Variants in CADPS observed in about 807,000 individuals in gnomAD.
CADPS encodes calcium-dependent secretion activator 1.
CADPS carries 57 observed loss-of-function variants against 167.3 expected under a neutral mutation model. The observed-to-expected ratio is 0.34, with a 90% CI of 0.28 to 0.42. The LOEUF is 0.42. Among genes scored for constraint, CADPS ranks in the 20% least tolerant of loss-of-function variants. CADPS has a pLI of 1.00. For synonymous variants in CADPS, 676 were observed against 635.3 expected, an observed-to-expected ratio of 1.06 and a Z score of -0.96; for missense variants, 1,414 against 1,738.1, an observed-to-expected ratio of 0.81 and a Z score of 3.32.
chr3:62,584,192 A>C (rs2084070120), intron 8 of CADPS, among the ~76,000 whole-genome samples: 1 of 151,914 alleles, frequency 6.6e-6, no homozygotes, highest in African/African-American at 2.4e-5. Flanking sequence ...TTTTTAGTAG[A>C]GATGGAGTTT....
At chr3:62,850,658 T>C (rs964531998) in intron 1 of CADPS, among the ~76,000 whole-genome samples, 3 of 151,516 alleles carry the variant, frequency 2.0e-5, no homozygotes, top group African/African-American at 7.3e-5. Context: ...ATAATTTCTG[T>C]TCTTTTACAT....
At position 62,512,750 on chromosome 3, in the gene CADPS, C is replaced by T; in HGVS notation, c.2599+1G>A. The stretch of plus-strand genomic sequence containing the variant: ...TTATAATGCATATACAATTGGTTCA[C>T]CTGCATCCTTTTGATTCTCTATTTG... On this transcript the variant is annotated splice_donor_variant, in intron 17 of 29. Coordinates refer to ENST00000383710, the MANE Select transcript of CADPS (RefSeq NM_003716.4). LOFTEE classifies it high-confidence loss of function. 6.2e-7 allele frequency: 1 copy of T among 1,605,030 alleles called. No homozygotes were observed. Among genetic ancestry groups the T allele is most frequent in the Non-Finnish European group, 8.5e-7 (1 of 1,173,892 alleles).
chr3:62,697,382 G>A (rs2080509252), intron 3 of CADPS, among the ~76,000 whole-genome samples: 2 of 151,950 alleles, frequency 1.3e-5, no homozygotes, highest in Middle Eastern at 3.2e-3. Context: ...CCATTCCTAA[G>A]TTACTTCAGT....
At chr3:62,695,793 C>T (rs1255685828) in intron 3 of CADPS, among the ~76,000 whole-genome samples, 2 of 151,998 alleles carry the variant, frequency 1.3e-5, no homozygotes. Context: ...TCAACCTCTC[C>T]AGTAGCTGGG....
chr3:62,766,123 G>A (rs983807342), intron 1 of CADPS, 139 bp from the exon 2 acceptor site: 3 of 437,640 alleles, frequency 6.9e-6, no homozygotes, highest in Non-Finnish European at 1.2e-5. Flanking sequence ...TAGTGAATCT[G>A]TGGAAACTTC....
chr3:62,759,177 G>A (rs2084741929), intron 2 of CADPS, among the ~76,000 whole-genome samples: 1 of 152,086 alleles, frequency 6.6e-6, no homozygotes, highest in Admixed American at 6.6e-5. Context: ...TTTGCCACCT[G>A]AGCAAGTTAC....
chr3:62,595,025 G>C (rs561583929), intron 6 of CADPS, among the ~76,000 whole-genome samples: 4 of 152,014 alleles, frequency 2.6e-5, no homozygotes, highest in Non-Finnish European at 5.9e-5. Flanking sequence ...TTGGCTGCTT[G>C]CATTCTTCTT....
rs1331595980 is a variant in CADPS, at chr3:62,544,381, C to A, written c.1966+5522G>T. Among the ~76,000 whole-genome samples, 1 of 151,992 alleles carries A rather than the reference C, an allele frequency of 6.6e-6. No individual in the cohort carries two copies. Among genetic ancestry groups the A allele is most frequent in the Non-Finnish European group, 1.5e-5 (1 of 67,988 alleles). Reference sequence around the variant, plus strand: ...TTTTAAGGTATCCATGGTTACCACACCACTGGTACTCTGACCATTCGAATC... The same window carrying A: ...TTTTAAGGTATCCATGGTTACCACAACACTGGTACTCTGACCATTCGAATC... On this transcript the variant is annotated intron_variant, in intron 11 of 29. Transcript: ENST00000383710. This position sits in a 1 kb window ranked among gnomAD's most constrained non-coding sequence, Gnocchi z 4.4.
intron 1 of CADPS, among the ~76,000 whole-genome samples, chr3:62,843,665 T>G (rs1190153592): frequency 6.6e-6 from 1 of 152,088 alleles, no homozygotes; most frequent in Non-Finnish European, 1.5e-5. Flanking sequence ...CCACTGAAGC[T>G]CCAGCCAGTC....
At chr3:62,441,690 G>T (rs1553745067) in intron 27 of CADPS, among the ~76,000 whole-genome samples, 1 of 152,288 alleles carries the variant, frequency 6.6e-6, no homozygotes, top group Admixed American at 6.5e-5. Flanking sequence ...AGGCTTCAGA[G>T]ATAGAAATGA....
intron 1 of CADPS, among the ~76,000 whole-genome samples, chr3:62,784,704 G>A (rs138434627): frequency 1.6e-4 from 24 of 150,232 alleles, no homozygotes; most frequent in African/African-American, 5.9e-4. Flanking sequence ...TCCACATTGT[G>A]GGAAACTCTC....
Position 62,474,262 on chromosome 3 carries a change from C to T in CADPS, c.3388G>A (p.Val1130Ile). 1 of 1,600,084 alleles carries T rather than the reference C, an allele frequency of 6.2e-7. No individual in the cohort carries two copies. The highest frequency in any genetic ancestry group is 2.3e-5 in the East Asian group (1 of 43,884). ...AACATGGTGCATATTGACTGTGGGA[C>T]TCGAAAATCTGTTGATCGACTGGTT... ...QKTSRSTDFR[V>I]PQSICTMFNV... The change falls in exon 24 of 30, where the codon GTC (valine) becomes ATC (isoleucine). Residue 1130 changes from valine to isoleucine, a missense_variant. By Grantham distance (29) the Val-to-Ile change is conservative (BLOSUM62 3). Transcript: ENST00000383710.
At chr3:62,417,671 C>G (rs1048910052) in intron 28 of CADPS, among the ~76,000 whole-genome samples, 1 of 151,904 alleles carries the variant, frequency 6.6e-6, no homozygotes, top group Non-Finnish European at 1.5e-5. Flanking sequence ...GAAAAAAGTT[C>G]TATAGTGACA....
chr3:62,632,954 C>T (rs903073294), intron 6 of CADPS, among the ~76,000 whole-genome samples: 2 of 152,092 alleles, frequency 1.3e-5, no homozygotes, highest in Non-Finnish European at 2.9e-5. Flanking sequence ...ACATCCACTA[C>T]CCACATGGTT....
chr3:62,717,643 A>T (rs564741872), intron 3 of CADPS, among the ~76,000 whole-genome samples: 1 of 152,076 alleles, frequency 6.6e-6, no homozygotes, highest in Non-Finnish European at 1.5e-5. Context: ...CAGCTTCTCA[A>T]TATCACAAGA....
At chr3:62,813,589 G>C (rs887307705) in intron 1 of CADPS, among the ~76,000 whole-genome samples, 3 of 151,922 alleles carry the variant, frequency 2.0e-5, no homozygotes, top group African/African-American at 7.3e-5. Context: ...AAAAGCACTT[G>C]CTACAAGAAA....
At chr3:62,401,388 A>G (rs1362178819) in intron 29 of CADPS, among the ~76,000 whole-genome samples, 2 of 152,246 alleles carry the variant, frequency 1.3e-5, no homozygotes, top group Admixed American at 6.5e-5. Flanking sequence ...GCCTAAGTGC[A>G]GAGACCACAT....
chr3:62,408,890 C>G (rs1403350212), intron 28 of CADPS, among the ~76,000 whole-genome samples: 1 of 152,220 alleles, frequency 6.6e-6, no homozygotes, highest in African/African-American at 2.4e-5. Context: ...TCAGACCAGA[C>G]AACTCCGTAG....
chr3:62,678,777 G>A (rs2150979624), intron 3 of CADPS, among the ~76,000 whole-genome samples: 1 of 151,654 alleles, frequency 6.6e-6, no homozygotes, highest in African/African-American at 2.4e-5. Context: ...AGTGTTGAAT[G>A]GGATTCTTCC....
Sources: allele counts gnomAD v4.1 joint callset (sites outside exome capture counted in the v4.1 genomes callset), GRCh38; gene constraint gnomAD v4.1.1; non-coding constraint Gnocchi (gnomAD v3.1); transcripts MANE v1.5; gene names NCBI Gene and HGNC (gene_info 2026-07-23, HGNC 2026-07-21).